Variants in CDH13 observed in about 807,000 individuals in gnomAD.
The protein encoded by CDH13 is cadherin-13.
CDH13 carries 24 observed loss-of-function variants against 63.8 expected under a neutral mutation model. The ratio of observed to expected loss-of-function variants is 0.38; its 90% CI spans 0.27 to 0.53. CDH13 has a LOEUF of 0.53. CDH13 is among the 20% of genes least tolerant of loss of function. The probability of loss-of-function intolerance (pLI) is 0.85; values close to 1 mark genes in which losing one functional copy is unlikely to be tolerated. For missense variants in CDH13, 1,049 were observed against 903.1 expected (o/e 1.16, Z -2.07); for synonymous variants, 503 against 355.3 (o/e 1.42, Z -4.67).
intron 1 of CDH13, among the ~76,000 whole-genome samples, chr16:82,850,436 G>T (rs905622790): frequency 6.6e-6 from 1 of 152,220 alleles, no homozygotes; most frequent in African/African-American, 2.4e-5. Context: ...ATGAGGAGCT[G>T]CTTCTTATGG....
At chr16:83,128,927 A>G (rs1440296717) in intron 4 of CDH13, among the ~76,000 whole-genome samples, 4 of 152,242 alleles carry the variant, frequency 2.6e-5, no homozygotes, top group African/African-American at 9.6e-5. Context: ...AATGCGCAAG[A>G]GCCTTCAAAA....
At chr16:83,396,027 G>A (rs1242213189) in intron 6 of CDH13, among the ~76,000 whole-genome samples, 4 of 152,138 alleles carry the variant, frequency 2.6e-5, no homozygotes, top group African/African-American at 7.2e-5. Flanking sequence ...CTCCCACTAT[G>A]AGTGGGAACA....
At chr16:83,391,921 A>G (rs1273140108) in intron 6 of CDH13, among the ~76,000 whole-genome samples, 2 of 151,908 alleles carry the variant, frequency 1.3e-5, no homozygotes, top group African/African-American at 4.8e-5. Flanking sequence ...GATAAACAAG[A>G]TTTTTTTTCT....
intron 7 of CDH13, among the ~76,000 whole-genome samples, chr16:83,506,821 C>A (rs1226861769): frequency 3.3e-5 from 5 of 152,214 alleles, no homozygotes; most frequent in Admixed American, 3.3e-4. Flanking sequence ...AGGCCACCTA[C>A]TAATAGCCAG....
intron 5 of CDH13, among the ~76,000 whole-genome samples, chr16:83,224,612 G>T (rs11150553): frequency 6.6e-6 from 1 of 152,112 alleles, no homozygotes; most frequent in African/African-American, 2.4e-5. Flanking sequence ...CCAGACCTAC[G>T]GAGGGAAGAA....
chr16:83,349,441 A>G (rs546006426), intron 6 of CDH13, among the ~76,000 whole-genome samples: 46 of 152,268 alleles, frequency 3.0e-4, no homozygotes, highest in African/African-American at 1.1e-3. Flanking sequence ...ATGGCTGACC[A>G]TGAGGAATGG....
At chr16:82,675,039 ATAT>A (rs1208724292) in intron 1 of CDH13, among the ~76,000 whole-genome samples, 2 of 152,210 alleles carry the variant, frequency 1.3e-5, no homozygotes, top group Non-Finnish European at 2.9e-5. Context: ...TTCTATTCTA[ATAT>A]TAATAGGAAG....
intron 1 of CDH13, among the ~76,000 whole-genome samples, chr16:82,669,467 A>G (rs1912982673): frequency 6.6e-6 from 1 of 152,256 alleles, no homozygotes; most frequent in African/African-American, 2.4e-5. Context: ...TAAGTGACAC[A>G]TTCTAGTACG....
At chr16:82,736,761 C>A (rs1308470573) in intron 1 of CDH13, among the ~76,000 whole-genome samples, 1 of 152,210 alleles carries the variant, frequency 6.6e-6, no homozygotes, top group Non-Finnish European at 1.5e-5. Context: ...CACTCTCTTA[C>A]CCTTTCACTC....
chr16:83,032,585 C>G (rs184840573), intron 3 of CDH13, among the ~76,000 whole-genome samples: 4 of 152,230 alleles, frequency 2.6e-5, no homozygotes, highest in African/African-American at 7.2e-5. Context: ...GTGGAGGTCT[C>G]AGCAACTACC....
chr16:83,746,663 T>A (rs576741779), intron 10 of CDH13, among the ~76,000 whole-genome samples: 1 of 147,184 alleles, frequency 6.8e-6, no homozygotes, highest in African/African-American at 2.4e-5. Flanking sequence ...ACTTCATGCA[T>A]CTTTACCAGT....
chr16:82,728,985 T>G (rs1331340773), intron 1 of CDH13, among the ~76,000 whole-genome samples: 1 of 152,218 alleles, frequency 6.6e-6, no homozygotes, highest in African/African-American at 2.4e-5. Flanking sequence ...GGCTCATCTA[T>G]AAGAAGCAAC....
chr16:83,416,002 T>C (rs1168220779), intron 6 of CDH13, among the ~76,000 whole-genome samples: 1 of 152,116 alleles, frequency 6.6e-6, no homozygotes. Context: ...AGAAAATAAC[T>C]GAAGAACCCA....
intron 11 of CDH13, among the ~76,000 whole-genome samples, chr16:83,766,187 C>G (rs530883334): frequency 2.7e-4 from 41 of 152,276 alleles, no homozygotes; most frequent in African/African-American, 9.6e-4. Flanking sequence ...TCTGCCCCAC[C>G]ACACACTGTT....
intron 2 of CDH13, among the ~76,000 whole-genome samples, chr16:83,014,712 C>G (rs1444559181): frequency 3.5e-5 from 4 of 115,112 alleles, no homozygotes; most frequent in African/African-American, 1.4e-4. Flanking sequence ...GCTTGGGCAA[C>G]AGAGGGAGAC....
intron 6 of CDH13, among the ~76,000 whole-genome samples, chr16:83,482,467 A>G (rs1466448845): frequency 6.6e-6 from 1 of 152,172 alleles, no homozygotes; most frequent in Non-Finnish European, 1.5e-5. Flanking sequence ...CTCTGGGGAA[A>G]CCTTGCTTTG....
chr16:83,041,734 C>T (rs1055455035), intron 3 of CDH13, among the ~76,000 whole-genome samples: 5 of 152,178 alleles, frequency 3.3e-5, no homozygotes, highest in African/African-American at 4.8e-5. Flanking sequence ...ACGAATCACA[C>T]ATTTTTCAGC....
chr16:82,772,562 C>G (rs1164903652), intron 1 of CDH13, among the ~76,000 whole-genome samples: 1 of 152,130 alleles, frequency 6.6e-6, no homozygotes, highest in Non-Finnish European at 1.5e-5. Context: ...AGAAAAAAAC[C>G]TAGAAATAAC....
intron 5 of CDH13, among the ~76,000 whole-genome samples, chr16:83,244,417 G>A (rs1418835434): frequency 1.3e-5 from 2 of 152,184 alleles, no homozygotes; most frequent in Non-Finnish European, 1.5e-5. Context: ...GCAGTAAGAA[G>A]TAACACTGCT....
Sources: gnomAD v4.1 joint callset for allele counts (sites outside exome capture counted in the v4.1 genomes callset) on GRCh38, gnomAD v4.1.1 for gene constraint, MANE v1.5 for transcripts, NCBI Gene and HGNC (gene_info 2026-07-23, HGNC 2026-07-21) for gene names.